FGD6: variants seen among roughly 807,000 people sequenced by gnomAD.
The protein encoded by FGD6 is FYVE, RhoGEF and PH domain-containing protein 6.
A neutral mutation model predicts 149.4 loss-of-function variants in FGD6; 90 were observed. The ratio of observed to expected loss-of-function variants is 0.60; its 90% CI spans 0.51 to 0.72. The LOEUF (loss-of-function observed/expected upper bound fraction) is 0.72, where lower values mean the gene tolerates loss of function less well. Among genes scored for constraint, FGD6 ranks in the 30% least tolerant of loss-of-function variants. FGD6 has a pLI of 0.00. For synonymous variants in FGD6, 527 were observed against 584.0 expected (o/e 0.90, Z 1.41); for missense variants, 1,437 against 1,684.8 (o/e 0.85, Z 2.57).
intron 6 of FGD6, among the ~76,000 whole-genome samples, chr12:95,138,966 T>C (rs1416575994): frequency 1.2e-5 from 1 of 80,190 alleles, no homozygotes; most frequent in African/African-American, 4.6e-5. Flanking sequence ...CACTGTGATA[T>C]CCTCTGCATA....
chr12:95,146,906 G>A (rs576740269), intron 5 of FGD6, among the ~76,000 whole-genome samples: 10 of 152,228 alleles, frequency 6.6e-5, no homozygotes, highest in African/African-American at 2.4e-4. Flanking sequence ...TCAAGTATGA[G>A]CATCTGAGGC....
intron 2 of FGD6, among the ~76,000 whole-genome samples, chr12:95,196,133 A>G (rs1423217077): frequency 6.6e-6 from 1 of 152,118 alleles, no homozygotes; most frequent in Non-Finnish European, 1.5e-5. Context: ...AAACAAAACA[A>G]AACAAAACAA....
At chr12:95,117,883 A>G (rs1417789548) in intron 8 of FGD6, among the ~76,000 whole-genome samples, 1 of 152,092 alleles carries the variant, frequency 6.6e-6, no homozygotes. Flanking sequence ...CTCTACTAAG[A>G]ATACAAAACT....
intron 2 of FGD6, among the ~76,000 whole-genome samples, chr12:95,193,590 G>A (rs902751270): frequency 4.0e-5 from 6 of 148,968 alleles, no homozygotes; most frequent in Non-Finnish European, 5.9e-5. Flanking sequence ...GTGTAGTGGC[G>A]TGATCTTGGC....
intron 15 of FGD6, 141 bp from the exon 16 acceptor site, chr12:95,092,986 C>T (rs545802655): frequency 3.3e-5 from 30 of 909,036 alleles, no homozygotes; most frequent in South Asian, 5.0e-5. Flanking sequence ...TTTGGGAGGC[C>T]GAGTCGAGTG....
rs544812654 is a variant in FGD6, at chr12:95,129,614, T to G, written c.3082+5125A>C. 2.6e-5 allele frequency among the ~76,000 whole-genome samples: 4 copies of G among 152,274 alleles called. No individual in the cohort carries two copies. In the South Asian group the frequency reaches 8.3e-4, roughly 32 times the overall value. On this transcript the variant is annotated intron_variant, in intron 8 of 20. Coordinates refer to ENST00000343958, the MANE Select transcript of FGD6 (RefSeq NM_018351.4). ...GATAAGTCTGTTTTCTTCCCATTCT[T>G]CCCAACTTCAAACAGGATCCAGCCT... is the stretch of plus-strand genomic sequence containing the variant.
chr12:95,113,425 G>C (rs1219815732), intron 9 of FGD6, among the ~76,000 whole-genome samples: 1 of 151,808 alleles, frequency 6.6e-6, no homozygotes, highest in Non-Finnish European at 1.5e-5. Flanking sequence ...TAGTAGAGAA[G>C]GGGTTTCACC....
chr12:95,165,995 C>G (rs1880802749), intron 3 of FGD6, among the ~76,000 whole-genome samples: 2 of 142,402 alleles, frequency 1.4e-5, no homozygotes, highest in Non-Finnish European at 3.0e-5. Flanking sequence ...GGGTCTTGCT[C>G]TGTTGCTCAG....
chr12:95,107,756 G>C (rs1878678394), intron 11 of FGD6, 125 bp from the exon 12 acceptor site: 1 of 915,772 alleles, frequency 1.1e-6, no homozygotes, highest in Admixed American at 2.2e-5. Context: ...CAGTTTCCTT[G>C]AGATTTTTTA....
chr12:95,151,395 T>C (rs1592853875), intron 5 of FGD6, among the ~76,000 whole-genome samples: 1 of 152,094 alleles, frequency 6.6e-6, no homozygotes, highest in Non-Finnish European at 1.5e-5. Context: ...CTCAGCCTCC[T>C]GAGTAGCTAG....
rs561230936 is a variant in FGD6, at chr12:95,130,250, C to T, written c.3082+4489G>A. Among the ~76,000 whole-genome samples, 1,357 of 152,248 alleles carry T rather than the reference C, an allele frequency of 8.9e-3. 8 individuals are homozygous for T. The highest frequency in any genetic ancestry group is 0.015 in the Non-Finnish European group (1,006 of 68,026). On this transcript the variant is annotated intron_variant, in intron 8 of 20. Coordinates refer to ENST00000343958, the MANE Select transcript of FGD6 (RefSeq NM_018351.4). ...ATCTGGGGATTTCCGCTGATCTTTT[C>T]TAAAAGGATTCCAGAAGAAACCATC... is the stretch of plus-strand genomic sequence containing the variant.
chr12:95,166,745 T>C (rs917810563), intron 3 of FGD6, among the ~76,000 whole-genome samples: 3 of 152,048 alleles, frequency 2.0e-5, no homozygotes, highest in Non-Finnish European at 4.4e-5. Flanking sequence ...CCATGCCCAT[T>C]ATCAGTCATT....
intron 7 of FGD6, among the ~76,000 whole-genome samples, chr12:95,135,544 G>A (rs930142217): frequency 6.6e-6 from 1 of 152,010 alleles, no homozygotes; most frequent in Non-Finnish European, 1.5e-5. Flanking sequence ...CATCTATCTC[G>A]GCCCATTCCT....
intron 8 of FGD6, among the ~76,000 whole-genome samples, chr12:95,120,171 G>A (rs867742091): frequency 2.6e-5 from 4 of 151,774 alleles, no homozygotes; most frequent in African/African-American, 7.3e-5. Flanking sequence ...GGAGGTTGAA[G>A]TGAGCTGACA....
intron 3 of FGD6, among the ~76,000 whole-genome samples, chr12:95,157,092 T>C (rs920159317): frequency 2.0e-5 from 3 of 152,232 alleles, no homozygotes; most frequent in African/African-American, 7.2e-5. Context: ...CATTCTGAAA[T>C]ACTTGTTTTA....
chr12:95,131,688 G>C (rs1047914837), intron 8 of FGD6, among the ~76,000 whole-genome samples: 1 of 152,106 alleles, frequency 6.6e-6, no homozygotes, highest in Non-Finnish European at 1.5e-5. Context: ...TTTAATTTTA[G>C]TCCTGATTTC....
chr12:95,130,919 T>C (rs1879501152), intron 8 of FGD6, among the ~76,000 whole-genome samples: 1 of 152,140 alleles, frequency 6.6e-6, no homozygotes. Flanking sequence ...AAATCTTTAG[T>C]ATTGACCTGC....
chr12:95,116,591 T>G (rs1879021493), intron 8 of FGD6, among the ~76,000 whole-genome samples: 1 of 152,156 alleles, frequency 6.6e-6, no homozygotes, highest in Admixed American at 6.5e-5. Context: ...AACATGAACT[T>G]TTATGAACAC....
intron 2 of FGD6, among the ~76,000 whole-genome samples, chr12:95,187,739 G>A (rs1881485170): frequency 6.6e-6 from 1 of 151,980 alleles, no homozygotes; most frequent in African/African-American, 2.4e-5. Context: ...CAGCTTAAAG[G>A]TCTGAGTCAA....
Sources: gnomAD v4.1 joint callset for allele counts (sites outside exome capture counted in the v4.1 genomes callset) on GRCh38, gnomAD v4.1.1 for gene constraint, MANE v1.5 for transcripts, NCBI Gene and HGNC (gene_info 2026-07-23, HGNC 2026-07-21) for gene names.